CR1L: variants seen among roughly 807,000 people sequenced by gnomAD.
The protein encoded by CR1L is complement component receptor 1-like protein.
CR1L carries 59 observed loss-of-function variants against 62.3 expected under a neutral mutation model. The ratio of observed to expected loss-of-function variants is 0.95; its 90% CI spans 0.77 to 1.18. The LOEUF (loss-of-function observed/expected upper bound fraction) is 1.18, where lower values mean the gene tolerates loss of function less well. Ranked by LOEUF, CR1L falls within the 50% of genes most tolerant of loss-of-function variation. The pLI is 0.00. For missense variants in CR1L, 700 were observed against 702.8 expected (o/e 1.00, Z 0.04); for synonymous variants, 279 against 248.7 (o/e 1.12, Z -1.15).
intron 5 of CR1L, among the ~76,000 whole-genome samples, chr1:207,695,003 T>G (rs1464010178): frequency 2.6e-5 from 4 of 152,218 alleles, no homozygotes; most frequent in Non-Finnish European, 1.5e-5. Flanking sequence ...TAATTACCTT[T>G]GAGTATAATA....
At chr1:207,702,893 A>T (rs1030164117) in intron 9 of CR1L, among the ~76,000 whole-genome samples, 2 of 152,110 alleles carry the variant, frequency 1.3e-5, no homozygotes, top group African/African-American at 4.8e-5. Flanking sequence ...GACCAGCCTG[A>T]CCAATATGGT....
At chr1:207,711,650 T>C (rs1216295779) in intron 10 of CR1L, 2 of 152,362 alleles carry the variant, frequency 1.3e-5, no homozygotes. Context: ...CCCATGCCTG[T>C]AATCCCAGCA....
intron 11 of CR1L, among the ~76,000 whole-genome samples, chr1:207,719,845 A>C (rs1008170283): frequency 6.6e-6 from 1 of 152,186 alleles, no homozygotes; most frequent in Non-Finnish European, 1.5e-5. Flanking sequence ...CAGAGGGTTT[A>C]GGTAACTTGC....
intron 4 of CR1L, among the ~76,000 whole-genome samples, chr1:207,691,765 T>C (rs1046283409): frequency 6.6e-5 from 10 of 152,234 alleles, no homozygotes; most frequent in African/African-American, 2.4e-4. Flanking sequence ...ACCCAAACTA[T>C]TAATATTTAA....
At chr1:207,666,190 A>G (rs74444104) in intron 1 of CR1L, among the ~76,000 whole-genome samples, 4,030 of 152,242 alleles carry the variant, frequency 0.026, 191 homozygotes, top group African/African-American at 0.092. Flanking sequence ...ACTGGAAACA[A>G]TTGACTCCTG....
At position 207,678,269 on chromosome 1, in the gene CR1L, T is replaced by A. The variant is rs1273973330; in HGVS notation, c.349T>A (p.Ser117Thr). 1 of 1,613,372 alleles carries A rather than the reference T, an allele frequency of 6.2e-7. No homozygotes were observed. Among genetic ancestry groups the A allele is most frequent in the East Asian group, 2.2e-5 (1 of 44,890 alleles). Residue 117 changes from serine to threonine, a missense_variant, in exon 3 of 12, where the codon TCC becomes ACC. By Grantham distance (58) the Ser-to-Thr change is moderately conservative. Coordinates refer to ENST00000508064, the MANE Select transcript of CR1L (RefSeq NM_175710.2). ...TGTGATCAAAGACATCCAGTTCAGA[T>A]CCCAAATTAAATATTCTTGTCCTAA... Reference protein sequence around the residue: ...AHVIKDIQFRSQIKYSCPKGY... With the variant: ...AHVIKDIQFRTQIKYSCPKGY...
At chr1:207,699,350 A>C in intron 8 of CR1L, 76 bp downstream of exon 8, 11 of 1,515,216 alleles carry the variant, frequency 7.3e-6, no homozygotes, top group African/African-American at 1.4e-5. Context: ...ACCTCCCCTA[A>C]TGTGGTTCTT....
intron 4 of CR1L, among the ~76,000 whole-genome samples, chr1:207,690,257 T>G (rs1213065166): frequency 6.6e-6 from 1 of 152,204 alleles, no homozygotes; most frequent in East Asian, 1.9e-4. Context: ...AAAACTATTT[T>G]ACTTCCCACA....
In CR1L at chr1:207,708,219, C is replaced by T. The variant is rs533993852; in HGVS notation, c.1370C>T (p.Ser457Leu). Residue 457 changes from serine (S) to leucine (L), a missense_variant, in exon 10 of 12, where the codon TCG becomes TTG. By Grantham distance (145) the Ser-to-Leu change is moderately radical. Transcript: ENST00000508064. ...IGHSSAECIL[S>L]GNTAHWSMKP... is the part of the protein sequence containing the mutation. ...CACTCATCTGCTGAATGTATCCTCT[C>T]GGGCAATACTGCCCATTGGAGCATG... 2.7e-5 allele frequency: 44 copies of T among 1,611,474 alleles called. No homozygotes were observed. In the East Asian group the frequency reaches 4.5e-4, roughly 16 times the overall value.
In CR1L at chr1:207,669,989, A is replaced by G. The variant is rs200341616; in HGVS notation, c.98-7400A>G. ...AACTGTGAGGCAAGTTAGCACACCTAAGTCTGTTTGCTCTTCTGTAAAATG... is the reference window on the plus strand; with the variant it reads ...AACTGTGAGGCAAGTTAGCACACCTGAGTCTGTTTGCTCTTCTGTAAAATG... On this transcript the variant is annotated intron_variant, in intron 1 of 11. Transcript: ENST00000508064. 7.3e-5 allele frequency among the ~76,000 whole-genome samples: 11 copies of G among 151,110 alleles called. No individual in the cohort carries two copies. In the East Asian group the frequency reaches 1.7e-3, roughly 24 times the overall value.
intron 1 of CR1L, among the ~76,000 whole-genome samples, chr1:207,647,376 G>T (rs912217070): frequency 3.9e-5 from 6 of 152,160 alleles, no homozygotes; most frequent in South Asian, 2.1e-4. Flanking sequence ...TGCAAGCTCA[G>T]CTGGAATGTT....
intron 1 of CR1L, among the ~76,000 whole-genome samples, chr1:207,663,063 G>A (rs4308978): frequency 2.6e-5 from 4 of 151,958 alleles, no homozygotes; most frequent in Admixed American, 6.5e-5. Flanking sequence ...CTACTGGGGG[G>A]TGCCTCCCAG....
intron 9 of CR1L, among the ~76,000 whole-genome samples, chr1:207,705,477 C>T (rs1057321117): frequency 5.3e-5 from 8 of 152,286 alleles, no homozygotes; most frequent in East Asian, 1.9e-4. Flanking sequence ...TCACTCTTCA[C>T]GGGAACAGCT....
intron 1 of CR1L, among the ~76,000 whole-genome samples, chr1:207,663,282 A>T (rs763844987): frequency 2.0e-5 from 3 of 152,178 alleles, no homozygotes; most frequent in African/African-American, 7.2e-5. Flanking sequence ...TTGAGCTGTG[A>T]TGGGCTCCAC....
intron 10 of CR1L, chr1:207,710,551 T>C (rs921513079): frequency 2.7e-5 from 44 of 1,609,630 alleles, no homozygotes; most frequent in Admixed American, 2.2e-4. Flanking sequence ...CCAGCAAAGA[T>C]GATCAAGTGG....
At chr1:207,653,343 C>A (rs1202720017) in intron 1 of CR1L, among the ~76,000 whole-genome samples, 1 of 152,160 alleles carries the variant, frequency 6.6e-6, no homozygotes, top group African/African-American at 2.4e-5. Context: ...ATGGAGACAG[C>A]AAAGACGTAG....
At chr1:207,657,428 A>G (rs1663334507) in intron 1 of CR1L, 2 of 579,872 alleles carry the variant, frequency 3.4e-6, no homozygotes, top group Non-Finnish European at 6.1e-6. Context: ...CCTCCTGTGT[A>G]ATTGGATCTA....
intron 1 of CR1L, among the ~76,000 whole-genome samples, chr1:207,646,184 T>C (rs919925404): frequency 1.3e-5 from 2 of 152,168 alleles, no homozygotes; most frequent in Non-Finnish European, 2.9e-5. Context: ...AGTATCTGAT[T>C]CCATTGCCTA....
chr1:207,686,081 TC>T (rs1405281405), intron 4 of CR1L, among the ~76,000 whole-genome samples: 4 of 71,536 alleles, frequency 5.6e-5, no homozygotes, highest in African/African-American at 1.6e-4. Flanking sequence ...CCTTTCTCCC[TC>T]CCTTCCTCCC....
Sources: allele counts gnomAD v4.1 joint callset (sites outside exome capture counted in the v4.1 genomes callset), GRCh38; gene constraint gnomAD v4.1.1; transcripts MANE v1.5; gene names NCBI Gene and HGNC (gene_info 2026-07-23, HGNC 2026-07-21).